The following ATP10B variants were observed in gnomAD, a reference collection of about 807,000 sequenced individuals.
The protein encoded by ATP10B is phospholipid-transporting ATPase VB.
Under a neutral mutation model 141.2 loss-of-function variants are expected in ATP10B, and 122 were observed. That is an observed-to-expected ratio of 0.86 (90% CI 0.75 to 1.00). The LOEUF (loss-of-function observed/expected upper bound fraction) is 1.00, where lower values mean the gene tolerates loss of function less well. Among genes scored for constraint, ATP10B ranks in the 50% least tolerant of loss-of-function variants. ATP10B has a pLI of 0.00. For synonymous variants in ATP10B, 685 were observed against 692.0 expected, an observed-to-expected ratio of 0.99 and a Z score of 0.16; for missense variants, 1,876 against 1,825.3, an observed-to-expected ratio of 1.03 and a Z score of -0.51.
chr5:160,603,313 C>T (rs1757200832), intron 20 of ATP10B: 1 of 154,992 alleles, frequency 6.5e-6, no homozygotes, highest in Admixed American at 6.3e-5. Flanking sequence ...CAATCCCTTA[C>T]AGGGTGTGAT....
At chr5:160,770,182 C>G (rs537289639) in intron 2 of ATP10B, among the ~76,000 whole-genome samples, 5 of 151,602 alleles carry the variant, frequency 3.3e-5, no homozygotes, top group African/African-American at 1.2e-4. Flanking sequence ...CTCTCTGTCC[C>G]TCTCTATCCT....
At position 160,688,875 on chromosome 5, in the gene ATP10B, C is replaced by A; in HGVS notation, c.-136G>T. ...GCTACTGTCCAGTCAGCTGGCTTTT[C>A]TTAATCTAGATGGCTGGAGTTGGGG... On this transcript the variant is annotated 5_prime_UTR_variant, in exon 4 of 26. Coordinates refer to ENST00000327245, the MANE Select transcript of ATP10B (RefSeq NM_025153.3). 1.0e-6 allele frequency: 1 copy of A among 985,406 alleles called. No homozygotes were observed. The highest frequency in any genetic ancestry group is 1.2e-6 in the Non-Finnish European group (1 of 829,924). 61.0% of individuals were successfully genotyped at this position (985,406 alleles called of 1,614,324 possible).
At chr5:160,888,181 G>T in the ATP10B span, among the ~76,000 whole-genome samples, 1 of 152,186 alleles carries the variant, frequency 6.6e-6, no homozygotes, top group African/African-American at 2.4e-5. Flanking sequence ...TGGCCCATGG[G>T]CATACACTAC....
At chr5:160,617,750 T>C in intron 16 of ATP10B, 114 bp downstream of exon 16, 1 of 950,956 alleles carries the variant, frequency 1.1e-6, no homozygotes, top group Non-Finnish European at 1.6e-6. Context: ...CAGCTAATCT[T>C]GAAAATGTTA....
chr5:160,860,671 T>A, the ATP10B span, among the ~76,000 whole-genome samples: 2 of 151,988 alleles, frequency 1.3e-5, no homozygotes, highest in African/African-American at 4.8e-5. Flanking sequence ...TGGTCCTTTG[T>A]CATAAAGTAT....
chr5:160,825,247 T>C (rs1037518128), intron 1 of ATP10B, among the ~76,000 whole-genome samples: 5 of 152,218 alleles, frequency 3.3e-5, no homozygotes, highest in Non-Finnish European at 7.3e-5. Flanking sequence ...ATGGTTTGGC[T>C]GTGTGTCCAC....
chr5:160,702,071 C>G (rs1439600885), intron 3 of ATP10B, among the ~76,000 whole-genome samples: 1 of 152,206 alleles, frequency 6.6e-6, no homozygotes, highest in African/African-American at 2.4e-5. Flanking sequence ...CCCCTCTACC[C>G]TATTGCCTTG....
At chr5:160,881,252 CA>C in the ATP10B span, among the ~76,000 whole-genome samples, 7 of 152,138 alleles carry the variant, frequency 4.6e-5, no homozygotes, top group Non-Finnish European at 8.8e-5. Flanking sequence ...TACCACGACA[CA>C]CCTATTAGAA....
intron 5 of ATP10B, chr5:160,686,805 C>T (rs890517716): frequency 7.5e-6 from 2 of 267,322 alleles, no homozygotes; most frequent in Non-Finnish European, 1.2e-5. Context: ...ATAATATTTG[C>T]ATGATATACA....
intron 1 of ATP10B, among the ~76,000 whole-genome samples, chr5:160,794,116 C>G (rs1448411542): frequency 6.6e-6 from 1 of 151,998 alleles, no homozygotes; most frequent in Non-Finnish European, 1.5e-5. Context: ...TTAATGTATC[C>G]CACACATATA....
At chr5:160,571,087 G>C (rs923283931) in intron 24 of ATP10B, among the ~76,000 whole-genome samples, 2 of 151,936 alleles carry the variant, frequency 1.3e-5, no homozygotes, top group Non-Finnish European at 2.9e-5. Context: ...CTTGGGTTTT[G>C]CTGAGCTGGA....
chr5:160,686,539 G>A (rs1763763984), intron 5 of ATP10B, among the ~76,000 whole-genome samples: 1 of 152,154 alleles, frequency 6.6e-6, no homozygotes, highest in Non-Finnish European at 1.5e-5. Context: ...CACCCGAGCA[G>A]TATACTCTGC....
At chr5:160,761,554 T>C (rs1031229255) in intron 2 of ATP10B, among the ~76,000 whole-genome samples, 4 of 152,178 alleles carry the variant, frequency 2.6e-5, no homozygotes, top group African/African-American at 9.7e-5. Flanking sequence ...CATCAAGGGA[T>C]TGCCCTGTGG....
intron 1 of ATP10B, among the ~76,000 whole-genome samples, chr5:160,814,198 A>C (rs1280355539): frequency 6.6e-6 from 1 of 152,188 alleles, no homozygotes; most frequent in Non-Finnish European, 1.5e-5. Context: ...CTAAAGGAGG[A>C]AGTTCGAACC....
At chr5:160,782,606 G>A (rs1051853055) in intron 2 of ATP10B, among the ~76,000 whole-genome samples, 2 of 152,008 alleles carry the variant, frequency 1.3e-5, no homozygotes, top group African/African-American at 4.8e-5. Context: ...ACTCTTCAAG[G>A]AGCTTACTAA....
chr5:160,580,465 ATTGT>A (rs138271345), intron 24 of ATP10B, among the ~76,000 whole-genome samples: 101,868 of 151,246 alleles, frequency 0.67, 35,237 homozygotes, highest in East Asian at 0.84. Flanking sequence ...GATTACATTT[ATTGT>A]TTATGTATGT....
At chr5:160,881,492 G>T in the ATP10B span, among the ~76,000 whole-genome samples, 1 of 152,182 alleles carries the variant, frequency 6.6e-6, no homozygotes, top group Non-Finnish European at 1.5e-5. Context: ...CCGGCACACA[G>T]ATATTTATAG....
chr5:160,782,000 C>G (rs1257446350), intron 2 of ATP10B, among the ~76,000 whole-genome samples: 1 of 152,028 alleles, frequency 6.6e-6, no homozygotes, highest in Non-Finnish European at 1.5e-5. Context: ...TTCTACATTT[C>G]AATTGCTGTG....
At chr5:160,591,935 G>A (rs909665012) in intron 22 of ATP10B, among the ~76,000 whole-genome samples, 1 of 152,222 alleles carries the variant, frequency 6.6e-6, no homozygotes, top group Middle Eastern at 3.4e-3. Flanking sequence ...ATAAATAATT[G>A]CCAGATCTCA....
Sources: gnomAD v4.1 joint callset for allele counts (sites outside exome capture counted in the v4.1 genomes callset) on GRCh38, gnomAD v4.1.1 for gene constraint, MANE v1.5 for transcripts, NCBI Gene and HGNC (gene_info 2026-07-23, HGNC 2026-07-21) for gene names.